COLGALT1: variants seen among roughly 807,000 people sequenced by gnomAD.
The protein encoded by COLGALT1 is procollagen galactosyltransferase 1.
Under a neutral mutation model 60.8 loss-of-function variants are expected in COLGALT1, and 43 were observed. The observed-to-expected ratio is 0.71, with a 90% CI of 0.55 to 0.91. COLGALT1 has a LOEUF of 0.91. Ranked by LOEUF, COLGALT1 falls within the 40% of genes least tolerant of loss-of-function variation. The pLI, the probability that COLGALT1 is intolerant of heterozygous loss-of-function variation, is 0.00. For missense variants in COLGALT1, 845 were observed against 880.0 expected (o/e 0.96, Z 0.50); for synonymous variants, 369 against 374.2 (o/e 0.99, Z 0.16).
intron 2 of COLGALT1, 97 bp downstream of exon 2, chr19:17,559,518 C>A: frequency 1.1e-6 from 1 of 915,832 alleles, no homozygotes; most frequent in Non-Finnish European, 1.7e-6. Context: ...TACAGGCCCT[C>A]AGTCCCTGCC....
At chr19:17,574,412 C>T (rs940046330) in intron 6 of COLGALT1, among the ~76,000 whole-genome samples, 4 of 151,366 alleles carry the variant, frequency 2.6e-5, no homozygotes, top group Non-Finnish European at 5.9e-5. Flanking sequence ...TCACTTGAAA[C>T]CTCCGCCTCC....
chr19:17,571,453 T>A lies in COLGALT1; in HGVS notation c.830-1030T>A, dbSNP rs7255754. Among the ~76,000 whole-genome samples, 517 of 150,252 alleles carry A rather than the reference T, an allele frequency of 3.4e-3. 5 individuals are homozygous for A. The highest frequency in any genetic ancestry group is 0.012 in the African/African-American group (491 of 40,732). On this transcript the variant is annotated intron_variant, in intron 5 of 11. Transcript: ENST00000252599. ...ATTAAAAGAGCATCATTGAGTTTTT[T>A]AGTCTAAAAAAGATACACACTTGGC... is the stretch of plus-strand genomic sequence containing the variant.
In COLGALT1 at chr19:17,560,448, T is replaced by G; in HGVS notation, c.472T>G (p.Trp158Gly). ...QAALKSARDMWADYILFVDAD... is the reference protein window; with the variant it reads ...QAALKSARDMGADYILFVDAD... ...AGCCCTGAAATCAGCTCGAGACATG[T>G]GGGCTGATTACATCCTGGTAAGTTT... Residue 158 changes from tryptophan to glycine, a missense_variant, in exon 3 of 12, where the codon TGG becomes GGG. Trp to Gly is a radical substitution (Grantham distance 184). Coordinates refer to ENST00000252599, the MANE Select transcript of COLGALT1 (RefSeq NM_024656.4). 1.2e-6 allele frequency: 2 copies of G among 1,613,898 alleles called. No individual in the cohort carries two copies. The highest frequency in any genetic ancestry group is 1.7e-6 in the Non-Finnish European group (2 of 1,179,792).
rs1418918339 is a variant in COLGALT1, at chr19:17,581,244, T to C, written c.1669T>C (p.Tyr557His). Residue 557 changes from tyrosine (Y) to histidine (H), a missense_variant, in exon 12 of 12, where the codon TAC becomes CAC. Coordinates refer to ENST00000252599, the MANE Select transcript of COLGALT1 (RefSeq NM_024656.4). ...HAFSVEPLLIYPTHYTGDDGY... is the reference protein window; with the variant it reads ...HAFSVEPLLIHPTHYTGDDGY... ...CTTCTCTGTGGAGCCGCTGCTCATC[T>C]ACCCCACACACTACACAGGAGACGA... is the stretch of plus-strand genomic sequence containing the variant. 15 of 1,611,246 alleles carry C rather than the reference T, an allele frequency of 9.3e-6. No individual in the cohort carries two copies. Among genetic ancestry groups the C allele is most frequent in the Non-Finnish European group, 1.3e-5 (15 of 1,179,926 alleles).
At position 17,568,570 on chromosome 19, in the gene COLGALT1, TTGCAGTTCCCA is replaced by T; in HGVS notation, c.689_699del (p.Ala230GlyfsTer25). The stretch of plus-strand genomic sequence containing the variant: ...CGCAAGCGAGACCGCCGGGGCTGCT[TTGCAGTTCCCA>T]TGGTGCACTCGACCTTCCTGATCGA... On this transcript the variant is annotated frameshift_variant, in exon 5 of 12. Transcript: ENST00000252599. LOFTEE classifies it high-confidence loss of function. The T allele has an allele frequency of 6.2e-7, 1 of 1,614,186 alleles. No homozygotes were observed. The highest frequency in any genetic ancestry group is 8.5e-7 in the Non-Finnish European group (1 of 1,180,024).
chr19:17,579,180 A>G (rs1178367917), intron 9 of COLGALT1, among the ~76,000 whole-genome samples: 1 of 151,994 alleles, frequency 6.6e-6, no homozygotes, highest in Non-Finnish European at 1.5e-5. Context: ...AAAAAAAAAA[A>G]AAGAAAAAGA....
At position 17,560,345 on chromosome 19, in the gene COLGALT1, T is replaced by A. The variant is rs2144816710; in HGVS notation, c.372-3T>A. On this transcript the variant is annotated splice_polypyrimidine_tract_variant and splice_region_variant and intron_variant, in intron 2 of 11. Transcript: ENST00000252599. The stretch of plus-strand genomic sequence containing the variant: ...TGTCCACATCACAGCTGCCTCCCCA[T>A]AGGTCCTACCCGGACGAGGAAGGCC... 1 of 1,612,878 alleles carries A rather than the reference T, an allele frequency of 6.2e-7. No homozygotes were observed. The highest frequency in any genetic ancestry group is 2.2e-5 in the East Asian group (1 of 44,850).
chr19:17,576,388 T>C (rs1474408320), intron 6 of COLGALT1, among the ~76,000 whole-genome samples: 1 of 151,958 alleles, frequency 6.6e-6, no homozygotes, highest in Non-Finnish European at 1.5e-5. Context: ...GGAAGGGTAT[T>C]TCAAGCAGGG....
At chr19:17,569,111 C>T (rs548859124) in intron 5 of COLGALT1, among the ~76,000 whole-genome samples, 14 of 152,200 alleles carry the variant, frequency 9.2e-5, no homozygotes, top group African/African-American at 3.4e-4. Flanking sequence ...ACTGGGGAGG[C>T]TGAGGCGGGA....
rs1450876788 is a variant in COLGALT1, at chr19:17,574,217, C to A, written c.949+1615C>A. The stretch of plus-strand genomic sequence containing the variant: ...TGGAGACTGGGTGGGAGGGGTGAGG[C>A]CTCTGTCCCGGGGCTCAGTTTCCCC... On this transcript the variant is annotated intron_variant, in intron 6 of 11. Transcript: ENST00000252599. 2.6e-5 allele frequency among the ~76,000 whole-genome samples: 4 copies of A among 152,148 alleles called. No homozygotes were observed. The East Asian group carries it at 7.7e-4, about 29-fold the overall frequency.
intron 3 of COLGALT1, among the ~76,000 whole-genome samples, chr19:17,560,789 G>A (rs1389612112): frequency 6.6e-6 from 1 of 151,864 alleles, no homozygotes; most frequent in African/African-American, 2.4e-5. Flanking sequence ...CTGGAGTGAA[G>A]TGCCGCAATA....
chr19:17,567,782 A>T (rs2076288343), intron 4 of COLGALT1, among the ~76,000 whole-genome samples: 1 of 151,814 alleles, frequency 6.6e-6, no homozygotes, highest in Non-Finnish European at 1.5e-5. Context: ...CTACTAAAAA[A>T]AAAAAAAATT....
chr19:17,570,972 C>A (rs2076309180), intron 5 of COLGALT1, among the ~76,000 whole-genome samples: 1 of 152,178 alleles, frequency 6.6e-6, no homozygotes, highest in African/African-American at 2.4e-5. Context: ...AATAAAGTGT[C>A]ATCAGTACCC....
intron 3 of COLGALT1, among the ~76,000 whole-genome samples, chr19:17,561,471 G>A (rs2076248566): frequency 1.3e-5 from 2 of 151,660 alleles, no homozygotes; most frequent in South Asian, 4.2e-4. Flanking sequence ...GGGGCTGGGG[G>A]GTGGTGGCCA....
At position 17,582,306 on chromosome 19, in the gene COLGALT1, A is replaced by ATAAG. The variant is rs2076388928; in HGVS notation, c.*864_*867dup. On this transcript the variant is annotated 3_prime_UTR_variant, in exon 12 of 12. Transcript: ENST00000252599. ...TGTGCCTGGCACTCATGTCACAAAG[A>ATAAG]TAAGTTCCTGATTCGGTACACTTAC... 1 of 152,224 alleles carries ATAAG rather than the reference A, an allele frequency of 6.6e-6. No homozygotes were observed. The highest frequency in any genetic ancestry group is 6.5e-5 in the Admixed American group (1 of 15,270). The allele number at this position is 152,224 out of a possible 1,614,324, so 9.4% of individuals were successfully genotyped here.
rs1467360026 is a variant in COLGALT1 at position 17,582,467 on chromosome 19, A to T, written c.*1023A>T. On this transcript the variant is annotated 3_prime_UTR_variant, in exon 12 of 12. Transcript: ENST00000252599. ...TCACTCATTGGCTTCTTTCCCACAC[A>T]CCTGAAGAGCACTGACTGTGTGCCG... 1 of 152,222 alleles carries T rather than the reference A, an allele frequency of 6.6e-6. No individual in the cohort carries two copies. Among genetic ancestry groups the T allele is most frequent in the Non-Finnish European group, 1.5e-5 (1 of 68,038 alleles). The allele number at this position is 152,222 out of a possible 1,614,324, so 9.4% of individuals were successfully genotyped here.
intron 3 of COLGALT1, among the ~76,000 whole-genome samples, chr19:17,561,829 C>A (rs7247558): frequency 0.096 from 14,653 of 151,936 alleles, 1,068 homozygotes; most frequent in African/African-American, 0.21. Context: ...ATGATCAACC[C>A]CAAATGTTAT....
chr19:17,567,970 C>T (rs1253074034), intron 4 of COLGALT1, among the ~76,000 whole-genome samples: 1 of 151,844 alleles, frequency 6.6e-6, no homozygotes, highest in Non-Finnish European at 1.5e-5. Flanking sequence ...AAAACAAAAA[C>T]TCATTATGGT....
At chr19:17,567,712 G>A (rs950900475) in intron 4 of COLGALT1, among the ~76,000 whole-genome samples, 172 bp downstream of exon 4, 9 of 151,968 alleles carry the variant, frequency 5.9e-5, no homozygotes, top group African/African-American at 2.2e-4. Flanking sequence ...ACTGCGGCAG[G>A]CGGGTTGCCT....
Sources: allele counts gnomAD v4.1 joint callset (sites outside exome capture counted in the v4.1 genomes callset), GRCh38; gene constraint gnomAD v4.1.1; transcripts MANE v1.5; gene names NCBI Gene and HGNC (gene_info 2026-07-23, HGNC 2026-07-21).